The following RAB27B variants were observed in gnomAD, a reference collection of about 807,000 sequenced individuals.
RAB27B encodes the protein ras-related protein Rab-27B.
Under a neutral mutation model 24.6 loss-of-function variants are expected in RAB27B, and 15 were observed. The observed-to-expected ratio is 0.61, with a 90% CI of 0.41 to 0.94. The LOEUF is 0.94. RAB27B is among the 40% of genes least tolerant of loss of function. The pLI is 0.00. For missense variants in RAB27B, 261 were observed against 266.8 expected, an observed-to-expected ratio of 0.98 and a Z score of 0.15; for synonymous variants, 105 against 92.5, an observed-to-expected ratio of 1.14 and a Z score of -0.78.
At chr18:54,751,106 TTTTTACC>T (rs1241536611) in intron 2 of RAB27B, among the ~76,000 whole-genome samples, 3 of 152,192 alleles carry the variant, frequency 2.0e-5, no homozygotes, top group African/African-American at 7.2e-5. Context: ...GTCAGACAGC[TTTTTACC>T]TTTTACACTC....
chr18:54,763,666 G>A (rs28584934), intron 2 of RAB27B, among the ~76,000 whole-genome samples: 1,643 of 152,252 alleles, frequency 0.011, 37 homozygotes, highest in African/African-American at 0.038. Flanking sequence ...AGAGAGAAAC[G>A]GGTAGGAAGA....
chr18:54,807,411 T>C (rs1158881577), intron 2 of RAB27B, among the ~76,000 whole-genome samples: 6 of 152,146 alleles, frequency 3.9e-5, no homozygotes, highest in Non-Finnish European at 8.8e-5. Flanking sequence ...GGCAGAAGTG[T>C]TGGACAAGCT....
At chr18:54,811,392 T>C (rs921089488) in intron 2 of RAB27B, among the ~76,000 whole-genome samples, 2 of 152,180 alleles carry the variant, frequency 1.3e-5, no homozygotes, top group Non-Finnish European at 2.9e-5. Context: ...ATTGGTTCAG[T>C]CCGGAACGGT....
At chr18:54,796,245 G>A (rs1909414299) in intron 2 of RAB27B, among the ~76,000 whole-genome samples, 2 of 152,292 alleles carry the variant, frequency 1.3e-5, no homozygotes, top group South Asian at 2.1e-4. Flanking sequence ...ATCTAGGGGT[G>A]GGTGTCTGTG....
intron 3 of RAB27B, among the ~76,000 whole-genome samples, chr18:54,882,752 G>A (rs1912978068): frequency 6.6e-6 from 1 of 152,174 alleles, no homozygotes; most frequent in Non-Finnish European, 1.5e-5. Context: ...TAGTCAAAGG[G>A]ATGAAGTTGG....
intron 2 of RAB27B, among the ~76,000 whole-genome samples, chr18:54,815,876 G>T (rs915176802): frequency 1.3e-5 from 2 of 151,896 alleles, no homozygotes; most frequent in Non-Finnish European, 2.9e-5. Flanking sequence ...CACCCACCTC[G>T]GCCTCCCAAA....
At chr18:54,871,291 C>T (rs1430346985) in intron 1 of RAB27B, among the ~76,000 whole-genome samples, 2 of 152,110 alleles carry the variant, frequency 1.3e-5, no homozygotes, top group South Asian at 2.1e-4. Flanking sequence ...CTTTAGCCAC[C>T]CATAGTTTAA....
At chr18:54,752,680 C>G (rs1169423974) in intron 2 of RAB27B, among the ~76,000 whole-genome samples, 5 of 152,112 alleles carry the variant, frequency 3.3e-5, no homozygotes, top group Non-Finnish European at 7.4e-5. Flanking sequence ...CAGTAGGCAG[C>G]CTAGAAGTTT....
At chr18:54,875,431 T>C (rs1287176773) in intron 1 of RAB27B, among the ~76,000 whole-genome samples, 2 of 152,156 alleles carry the variant, frequency 1.3e-5, no homozygotes, top group East Asian at 3.9e-4. Flanking sequence ...AATTGAGACA[T>C]GTGTATCCTT....
chr18:54,745,715 T>C (rs1050615387), intron 2 of RAB27B: 1 of 150,208 alleles, frequency 6.7e-6, no homozygotes, highest in African/African-American at 2.4e-5. Context: ...GCATTCACAC[T>C]GTCAATCAGT....
intron 2 of RAB27B, among the ~76,000 whole-genome samples, chr18:54,746,584 G>T (rs548039625): frequency 6.6e-6 from 1 of 152,162 alleles, no homozygotes; most frequent in Admixed American, 6.5e-5. Flanking sequence ...TTCGTCTTTG[G>T]AGGCATTCAA....
chr18:54,800,879 A>C (rs927380008), intron 2 of RAB27B, among the ~76,000 whole-genome samples: 4 of 152,136 alleles, frequency 2.6e-5, no homozygotes, highest in African/African-American at 9.7e-5. Context: ...TTATCAGCTC[A>C]TATATAATAA....
chr18:54,797,966 C>A (rs948073316), intron 2 of RAB27B, among the ~76,000 whole-genome samples: 15 of 152,118 alleles, frequency 9.9e-5, no homozygotes, highest in African/African-American at 3.4e-4. Context: ...AGTGTCAGCT[C>A]TACCCTTAAA....
chr18:54,762,109 T>A (rs912603563), intron 2 of RAB27B, among the ~76,000 whole-genome samples: 1 of 152,202 alleles, frequency 6.6e-6, no homozygotes, highest in African/African-American at 2.4e-5. Flanking sequence ...ATTGGCAGCG[T>A]AAGATAGATT....
At chr18:54,763,141 C>T (rs1370874919) in intron 2 of RAB27B, among the ~76,000 whole-genome samples, 1 of 151,982 alleles carries the variant, frequency 6.6e-6, no homozygotes, top group African/African-American at 2.4e-5. Context: ...CTTATAACTT[C>T]AAAGAGTAAA....
intron 1 of RAB27B, among the ~76,000 whole-genome samples, chr18:54,866,106 C>A (rs941430717): frequency 1.1e-4 from 15 of 141,088 alleles, no homozygotes; most frequent in African/African-American, 4.5e-4. Flanking sequence ...AAAAAAAAAA[C>A]AGAATCACTA....
At chr18:54,848,066 G>A (rs1334258695) in intron 1 of RAB27B, among the ~76,000 whole-genome samples, 1 of 152,190 alleles carries the variant, frequency 6.6e-6, no homozygotes, top group Non-Finnish European at 1.5e-5. Flanking sequence ...CTCTGTGTTT[G>A]CCTTATTTGA....
chr18:54,819,499 T>C (rs1344910046), intron 2 of RAB27B, among the ~76,000 whole-genome samples: 1 of 117,402 alleles, frequency 8.5e-6, no homozygotes, highest in African/African-American at 3.3e-5. Context: ...AGCACTGCAC[T>C]CCAGCGTGGG....
chr18:54,762,456 G>C (rs1349106304), intron 2 of RAB27B, among the ~76,000 whole-genome samples: 1 of 152,042 alleles, frequency 6.6e-6, no homozygotes, highest in East Asian at 1.9e-4. Context: ...GGCAGCCCTG[G>C]GAAATGAATA....
Sources: gnomAD v4.1 joint callset for allele counts (sites outside exome capture counted in the v4.1 genomes callset) on GRCh38, gnomAD v4.1.1 for gene constraint, MANE v1.5 for transcripts, NCBI Gene and HGNC (gene_info 2026-07-23, HGNC 2026-07-21) for gene names.